The following ICA1 variants were observed in gnomAD, a reference collection of about 807,000 sequenced individuals.
ICA1 encodes islet cell autoantigen 1.
A neutral mutation model predicts 71.0 loss-of-function variants in ICA1; 40 were observed. The observed-to-expected ratio is 0.56, with a 90% confidence interval of 0.44 to 0.73. The LOEUF (loss-of-function observed/expected upper bound fraction) is 0.73, where lower values mean the gene tolerates loss of function less well. Ranked by LOEUF, ICA1 falls within the 30% of genes least tolerant of loss-of-function variation. The pLI is 0.00. For missense variants in ICA1, 578 were observed against 576.5 expected (o/e 1.00, Z -0.03); for synonymous variants, 207 against 209.5 (o/e 0.99, Z 0.10).
intron 13 of ICA1, among the ~76,000 whole-genome samples, chr7:8,117,540 TG>T (rs1226204553): frequency 6.6e-6 from 1 of 152,230 alleles, no homozygotes; most frequent in African/African-American, 2.4e-5. Context: ...AGGAATTTTT[TG>T]TTTTTCAATT....
chr7:8,167,810 G>A (rs1263720116), intron 6 of ICA1, among the ~76,000 whole-genome samples: 1 of 152,126 alleles, frequency 6.6e-6, no homozygotes, highest in African/African-American at 2.4e-5. Flanking sequence ...CTAATTCAGT[G>A]AACGGCACCT....
intron 6 of ICA1, among the ~76,000 whole-genome samples, chr7:8,196,428 G>A (rs1787601823): frequency 6.6e-6 from 1 of 152,156 alleles, no homozygotes; most frequent in African/African-American, 2.4e-5. Flanking sequence ...TAGAATGGTG[G>A]GTACATGTCA....
At chr7:8,138,035 G>C (rs781570459) in intron 12 of ICA1, among the ~76,000 whole-genome samples, 17 of 152,152 alleles carry the variant, frequency 1.1e-4, no homozygotes, top group Non-Finnish European at 2.1e-4. Flanking sequence ...CTGGAGTTTG[G>C]CTCTAAATTT....
intron 6 of ICA1, among the ~76,000 whole-genome samples, chr7:8,204,437 A>C (rs1188083240): frequency 6.6e-6 from 1 of 152,260 alleles, no homozygotes; most frequent in Non-Finnish European, 1.5e-5. Flanking sequence ...GTGCAGTTTT[A>C]ACGAAGTAAT....
chr7:8,158,725 C>T, intron 6 of ICA1, 73 bp from the exon 7 acceptor site: 1 of 1,427,256 alleles, frequency 7.0e-7, no homozygotes, highest in Non-Finnish European at 9.7e-7. Flanking sequence ...GAAATGAGAC[C>T]AACAGCAGGC....
At chr7:8,158,787 A>G in intron 6 of ICA1, 135 bp from the exon 7 acceptor site, 1 of 838,898 alleles carries the variant, frequency 1.2e-6, no homozygotes, top group East Asian at 2.6e-5. Flanking sequence ...ACAAATGGGA[A>G]GATGTTACAA....
chr7:8,257,029 G>C (rs1810462654), intron 1 of ICA1, among the ~76,000 whole-genome samples: 1 of 152,186 alleles, frequency 6.6e-6, no homozygotes, highest in African/African-American at 2.4e-5. Context: ...CTGAGCTCCT[G>C]TTTTTAACTA....
Position 8,235,951 on chromosome 7 carries a change from T to A in ICA1, c.-25A>T, listed in dbSNP as rs746993415. 1.9e-6 allele frequency: 3 copies of A among 1,611,650 alleles called. No homozygotes were observed. On this transcript the variant is annotated 5_prime_UTR_variant, in exon 2 of 14. Transcript: ENST00000402384. ...TGTTTTCTTCTTCTTCTATTGTTGATGATTTGGGGAGAAGGGGCAGGAAAA... is the reference window on the plus strand; with the variant it reads ...TGTTTTCTTCTTCTTCTATTGTTGAAGATTTGGGGAGAAGGGGCAGGAAAA...
chr7:8,119,006 G>A (rs1785743276), intron 13 of ICA1, among the ~76,000 whole-genome samples: 1 of 152,234 alleles, frequency 6.6e-6, no homozygotes, highest in Non-Finnish European at 1.5e-5. Context: ...AGTTTGGGAA[G>A]CACTTCCTCA....
At chr7:8,205,119 T>C (rs1197348964) in intron 6 of ICA1, among the ~76,000 whole-genome samples, 1 of 150,468 alleles carries the variant, frequency 6.6e-6, no homozygotes, top group Non-Finnish European at 1.5e-5. Flanking sequence ...CTAAGCTAAT[T>C]CTTTCAGCAG....
chr7:8,240,376 A>G (rs1254932203), intron 1 of ICA1, among the ~76,000 whole-genome samples: 4 of 152,206 alleles, frequency 2.6e-5, no homozygotes, highest in South Asian at 2.1e-4. Context: ...CACCAACATC[A>G]ACAAAAAGGA....
intron 13 of ICA1, among the ~76,000 whole-genome samples, chr7:8,126,021 G>A (rs1789049588): frequency 6.6e-6 from 1 of 152,230 alleles, no homozygotes; most frequent in Non-Finnish European, 1.5e-5. Context: ...CCCACTGTGG[G>A]CACTGAGATG....
At chr7:8,198,232 C>G (rs1009345254) in intron 6 of ICA1, among the ~76,000 whole-genome samples, 6 of 152,210 alleles carry the variant, frequency 3.9e-5, no homozygotes, top group Non-Finnish European at 8.8e-5. Context: ...GACTTCTATT[C>G]TCTTTCTCCA....
intron 6 of ICA1, among the ~76,000 whole-genome samples, chr7:8,199,282 T>C (rs1788735308): frequency 6.6e-6 from 1 of 152,242 alleles, no homozygotes; most frequent in African/African-American, 2.4e-5. Flanking sequence ...ACTCCTGTAT[T>C]TGTTGCAGCA....
rs1050466605 is a variant in ICA1 at position 8,234,675 on chromosome 7, C to T, written c.17+1235G>A. On this transcript the variant is annotated intron_variant, in intron 2 of 13. Coordinates refer to ENST00000402384, the MANE Select transcript of ICA1 (RefSeq NM_001136020.3). This position sits in a 1 kb window ranked among gnomAD's most constrained non-coding sequence, Gnocchi z 4.5. ...GAGAGAGAAGTAGGATTATGGGAGA[C>T]TTTCATGGTCTACTTTATATCTTTC... 1.3e-5 allele frequency among the ~76,000 whole-genome samples: 2 copies of T among 152,164 alleles called. No individual in the cohort carries two copies. The highest frequency in any genetic ancestry group is 1.5e-5 in the Non-Finnish European group (1 of 68,036).
chr7:8,211,328 C>A (rs148659296), intron 6 of ICA1, among the ~76,000 whole-genome samples: 34 of 152,164 alleles, frequency 2.2e-4, no homozygotes, highest in African/African-American at 7.5e-4. Flanking sequence ...GTGACTCATG[C>A]CCTCTAAAAC....
At chr7:8,262,531 C>A (rs1048341116), upstream of ICA1, 1 of 152,310 alleles carries the variant, frequency 6.6e-6, no homozygotes, top group Non-Finnish European at 1.5e-5. Context: ...TGGGGTATCC[C>A]CCGCTCGGAT....
At position 8,132,906 on chromosome 7, in the gene ICA1, T is replaced by C. The variant is rs181917714; in HGVS notation, c.1061-4764A>G. Among the ~76,000 whole-genome samples, 2 of 152,354 alleles carry C rather than the reference T, an allele frequency of 1.3e-5. No homozygotes were observed. The highest frequency in any genetic ancestry group is 3.9e-4 in the East Asian group (2 of 5,188). On this transcript the variant is annotated intron_variant, in intron 12 of 13. Coordinates refer to ENST00000402384, the MANE Select transcript of ICA1 (RefSeq NM_001136020.3). This position sits in a 1 kb window ranked among gnomAD's most constrained non-coding sequence, Gnocchi z 4.5. ...CATTGGTGAAGCTGCTGGTGCTCCA[T>C]AGAGGAACCCTCTTACTGTGTATCT...
chr7:8,125,086 G>T (rs1788648594), intron 13 of ICA1, among the ~76,000 whole-genome samples: 1 of 152,120 alleles, frequency 6.6e-6, no homozygotes, highest in African/African-American at 2.4e-5. Flanking sequence ...ACCTTGCCCG[G>T]GTGGTAACTC....
Sources: gnomAD v4.1 joint callset for allele counts (sites outside exome capture counted in the v4.1 genomes callset) on GRCh38, gnomAD v4.1.1 for gene constraint, Gnocchi (gnomAD v3.1) non-coding constraint, MANE v1.5 for transcripts, NCBI Gene and HGNC (gene_info 2026-07-23, HGNC 2026-07-21) for gene names.